SLC30A7: variants seen among roughly 807,000 people sequenced by gnomAD.
SLC30A7 encodes the protein zinc transporter 7.
SLC30A7 carries 35 observed loss-of-function variants against 46.0 expected under a neutral mutation model. The observed-to-expected ratio is 0.76, with a 90% CI of 0.58 to 1.01. The LOEUF is 1.01. Among genes scored for constraint, SLC30A7 ranks in the 50% least tolerant of loss-of-function variants. The pLI is 0.00. For missense variants in SLC30A7, 464 were observed against 451.1 expected, an observed-to-expected ratio of 1.03 and a Z score of -0.26; for synonymous variants, 147 against 157.8, an observed-to-expected ratio of 0.93 and a Z score of 0.51.
At position 100,961,827 on chromosome 1, in the gene SLC30A7, G is replaced by A. The variant is rs780608050; in HGVS notation, c.843-1G>A. ...TAAATTGTTGTCTTCCTTTTCCTTAGTGTTATTCCTCTTTTAAGAGAATCT... is the reference window on the plus strand; with the variant it reads ...TAAATTGTTGTCTTCCTTTTCCTTAATGTTATTCCTCTTTTAAGAGAATCT... On this transcript the variant is annotated splice_acceptor_variant, in intron 8 of 10. Coordinates refer to ENST00000357650, the MANE Select transcript of SLC30A7 (RefSeq NM_133496.5). LOFTEE classifies it high-confidence loss of function. 1 of 1,574,412 alleles carries A rather than the reference G, an allele frequency of 6.4e-7. No homozygotes were observed. The highest frequency in any genetic ancestry group is 1.1e-5 in the South Asian group (1 of 87,996).
chr1:100,906,759 C>T (rs1036572807), intron 2 of SLC30A7, 93 bp from the exon 3 acceptor site: 1 of 814,656 alleles, frequency 1.2e-6, no homozygotes, highest in Non-Finnish European at 2.1e-6. Flanking sequence ...TGGTTAATTC[C>T]TGATGAACAA....
At chr1:100,947,596 C>A (rs2101065703) in intron 8 of SLC30A7, among the ~76,000 whole-genome samples, 1 of 152,264 alleles carries the variant, frequency 6.6e-6, no homozygotes, top group East Asian at 1.9e-4. Context: ...GAGTTCAAGT[C>A]CTGGACATCC....
intron 10 of SLC30A7, among the ~76,000 whole-genome samples, chr1:100,968,190 G>A (rs1338079557): frequency 6.6e-6 from 1 of 152,098 alleles, no homozygotes; most frequent in East Asian, 1.9e-4. Context: ...GCCAGGCATG[G>A]TGGCTCACAC....
intron 2 of SLC30A7, among the ~76,000 whole-genome samples, chr1:100,901,007 A>C (rs1651272194): frequency 6.6e-6 from 1 of 152,186 alleles, no homozygotes; most frequent in Non-Finnish European, 1.5e-5. Flanking sequence ...ATCTTATTTC[A>C]TCTGTTGTCC....
intron 10 of SLC30A7, among the ~76,000 whole-genome samples, chr1:100,969,802 C>T (rs1656056640): frequency 6.6e-6 from 1 of 152,128 alleles, no homozygotes; most frequent in Admixed American, 6.5e-5. Context: ...GGGAGTCACC[C>T]TACTAATGAC....
At chr1:100,962,130 C>T (rs892311577) in intron 9 of SLC30A7, among the ~76,000 whole-genome samples, 2 of 152,080 alleles carry the variant, frequency 1.3e-5, no homozygotes, top group Non-Finnish European at 2.9e-5. Flanking sequence ...TTGTTCTGAT[C>T]TAGAAATTGA....
At chr1:100,918,228 ATAGTGT>A (rs1432467264) in intron 7 of SLC30A7, 101 bp downstream of exon 7, 18 of 979,532 alleles carry the variant, frequency 1.8e-5, no homozygotes, top group East Asian at 2.5e-5. Context: ...AATATAAAAC[ATAGTGT>A]TTGTGTTTAG....
At chr1:100,911,984 T>C (rs898487096) in intron 4 of SLC30A7, 128 bp from the exon 5 acceptor site, 2 of 769,904 alleles carry the variant, frequency 2.6e-6, no homozygotes, top group Non-Finnish European at 4.2e-6. Flanking sequence ...TCAACTGTTT[T>C]GGGAGATTTT....
intron 6 of SLC30A7, among the ~76,000 whole-genome samples, chr1:100,916,704 C>CTTTTT (rs33980397): frequency 8.7e-4 from 80 of 92,322 alleles, no homozygotes; most frequent in East Asian, 1.7e-3. Flanking sequence ...TTCATTCATT[C>CTTTTT]TTTTTTTTTT....
intron 8 of SLC30A7, among the ~76,000 whole-genome samples, chr1:100,949,759 C>T (rs1038616268): frequency 6.6e-6 from 1 of 152,172 alleles, no homozygotes; most frequent in South Asian, 2.1e-4. Flanking sequence ...CATTGCAGGT[C>T]GATCTCAGAC....
chr1:100,922,819 A>G (rs561865454), intron 8 of SLC30A7, among the ~76,000 whole-genome samples: 1 of 152,254 alleles, frequency 6.6e-6, no homozygotes, highest in African/African-American at 2.4e-5. Context: ...TTTTATCATA[A>G]TGATAAGACA....
chr1:100,913,340 A>G (rs1652257718), intron 5 of SLC30A7, among the ~76,000 whole-genome samples: 1 of 152,202 alleles, frequency 6.6e-6, no homozygotes, highest in Non-Finnish European at 1.5e-5. Context: ...TGATTCCTAT[A>G]ATAGAAAATG....
intron 10 of SLC30A7, among the ~76,000 whole-genome samples, chr1:100,973,556 A>G (rs571472715): frequency 6.6e-6 from 1 of 152,296 alleles, no homozygotes; most frequent in African/African-American, 2.4e-5. Context: ...ACATTATATT[A>G]TAGTGAGAGG....
In SLC30A7 at chr1:100,976,374, A is replaced by T. The variant is rs1448419820; in HGVS notation, c.*1517A>T. 4 of 152,230 alleles carry T rather than the reference A, an allele frequency of 2.6e-5. No homozygotes were observed. In the East Asian group the frequency reaches 7.7e-4, roughly 29 times the overall value. The allele number at this position is 152,230 out of a possible 1,614,324, so 9.4% of individuals were successfully genotyped here. Reference sequence around the variant, plus strand: ...AGCATTTTATTGAGTTTGAATTATTAAAGGTACAGAGGAAATGTGGTGATG... The same window carrying T: ...AGCATTTTATTGAGTTTGAATTATTTAAGGTACAGAGGAAATGTGGTGATG... On this transcript the variant is annotated 3_prime_UTR_variant, in exon 11 of 11. Transcript: ENST00000357650.
rs201728097 is a variant in SLC30A7, at chr1:100,965,760, A to T, written c.934-9A>T. 1 of 1,611,608 alleles carries T rather than the reference A, an allele frequency of 6.2e-7. No homozygotes were observed. Among genetic ancestry groups the T allele is most frequent in the South Asian group, 1.1e-5 (1 of 91,026 alleles). On this transcript the variant is annotated splice_polypyrimidine_tract_variant and intron_variant, in intron 9 of 10. Coordinates refer to ENST00000357650, the MANE Select transcript of SLC30A7 (RefSeq NM_133496.5). ...ATTATGATGTTAATATCTCTCCTTT[A>T]TATTTCAGGTACAGCAGTTGCAAGG... is the stretch of plus-strand genomic sequence containing the variant.
chr1:100,902,143 CATG>C (rs1205369047), intron 2 of SLC30A7, among the ~76,000 whole-genome samples: 3 of 152,084 alleles, frequency 2.0e-5, no homozygotes. Flanking sequence ...ATTTTTAAAT[CATG>C]ATATCAAGTT....
intron 8 of SLC30A7, among the ~76,000 whole-genome samples, chr1:100,954,916 CAAATTTATTTTTA>C (rs869117453): frequency 3.9e-5 from 6 of 151,970 alleles, no homozygotes; most frequent in African/African-American, 1.2e-4. Flanking sequence ...CAACATAAGC[CAAATTTATTTTTA>C]AAATTTATTT....
At chr1:100,991,877 TG>T in the SLC30A7 span, among the ~76,000 whole-genome samples, 1 of 146,322 alleles carries the variant, frequency 6.8e-6, no homozygotes, top group African/African-American at 2.6e-5. Context: ...GAGGCTGAGG[TG>T]GGAGGATTGC....
chr1:100,967,211 C>T (rs1243449639), intron 10 of SLC30A7, among the ~76,000 whole-genome samples: 2 of 152,192 alleles, frequency 1.3e-5, no homozygotes, highest in Non-Finnish European at 2.9e-5. Context: ...TCTAACACAG[C>T]AGTCCCCAAC....
Sources: gnomAD v4.1 joint callset for allele counts (sites outside exome capture counted in the v4.1 genomes callset) on GRCh38, gnomAD v4.1.1 for gene constraint, MANE v1.5 for transcripts, NCBI Gene and HGNC (gene_info 2026-07-23, HGNC 2026-07-21) for gene names.